The following RBM20 variants were observed in gnomAD, a reference collection of about 807,000 sequenced individuals.
RBM20 encodes RNA binding motif protein 20, also known as RNA-binding protein 20.
Under a neutral mutation model 110.1 loss-of-function variants are expected in RBM20, and 51 were observed. That is an observed-to-expected ratio of 0.46 (90% CI 0.37 to 0.59). The LOEUF is 0.59. Among genes scored for constraint, RBM20 ranks in the 20% least tolerant of loss-of-function variants. The probability of loss-of-function intolerance (pLI) is 0.00; values close to 1 mark genes in which losing one functional copy is unlikely to be tolerated. For missense variants in RBM20, 1,512 were observed against 1,574.9 expected (o/e 0.96, Z 0.68); for synonymous variants, 589 against 618.2 (o/e 0.95, Z 0.70).
At chr10:110,684,030 T>C (rs1296277313) in intron 1 of RBM20, among the ~76,000 whole-genome samples, 1 of 152,176 alleles carries the variant, frequency 6.6e-6, no homozygotes, top group Non-Finnish European at 1.5e-5. Flanking sequence ...GATGAGTAAA[T>C]TCATTCAGCT....
intron 11 of RBM20, among the ~76,000 whole-genome samples, chr10:110,822,264 G>A (rs1434445299): frequency 1.3e-5 from 2 of 152,340 alleles, no homozygotes; most frequent in Non-Finnish European, 2.9e-5. Context: ...AAGGAGATCA[G>A]GAGGAGCCTC....
intron 1 of RBM20, among the ~76,000 whole-genome samples, chr10:110,779,192 A>G (rs1293857963): frequency 6.6e-6 from 1 of 152,192 alleles, no homozygotes; most frequent in Admixed American, 6.5e-5. Context: ...TACTGGAAAG[A>G]CCACAGCAGG....
At chr10:110,801,003 A>G (rs987757754) in intron 7 of RBM20, among the ~76,000 whole-genome samples, 8 of 152,248 alleles carry the variant, frequency 5.3e-5, no homozygotes, top group African/African-American at 1.9e-4. Flanking sequence ...ACTTGAGCAT[A>G]TAACTAGAGG....
chr10:110,817,178 G>A (rs1301415851), intron 9 of RBM20, among the ~76,000 whole-genome samples: 1 of 152,220 alleles, frequency 6.6e-6, no homozygotes, highest in African/African-American at 2.4e-5. Flanking sequence ...CAGCATGATG[G>A]GACCATGGCT....
intron 1 of RBM20, among the ~76,000 whole-genome samples, chr10:110,685,137 C>A (rs143490935): frequency 6.6e-6 from 1 of 152,322 alleles, no homozygotes; most frequent in African/African-American, 2.4e-5. Flanking sequence ...TGGTCGCTGC[C>A]GAGGATCAGC....
chr10:110,720,055 A>G (rs1336663477), intron 1 of RBM20, among the ~76,000 whole-genome samples: 1 of 152,030 alleles, frequency 6.6e-6, no homozygotes, highest in Non-Finnish European at 1.5e-5. Flanking sequence ...CCTGGCGGTG[A>G]TCTTTTTTAT....
chr10:110,711,159 G>A (rs138390823), intron 1 of RBM20, among the ~76,000 whole-genome samples: 5 of 137,108 alleles, frequency 3.6e-5, no homozygotes, highest in Admixed American at 1.6e-4. Context: ...GTGAAATCCC[G>A]TCTCTACTAA....
chr10:110,663,155 G>A (rs1469743312), intron 1 of RBM20, among the ~76,000 whole-genome samples: 5 of 151,806 alleles, frequency 3.3e-5, no homozygotes, highest in Non-Finnish European at 5.9e-5. Context: ...TAGTAGAGTC[G>A]GGGCGTTGCC....
chr10:110,661,971 A>G (rs1043921065), intron 1 of RBM20, among the ~76,000 whole-genome samples: 1 of 151,186 alleles, frequency 6.6e-6, no homozygotes, highest in Admixed American at 6.6e-5. Flanking sequence ...AGATCATGCC[A>G]TTGCACTCCA....
rs74552632 is a variant in RBM20 at position 110,662,666 on chromosome 10, T to C, written c.191+18021T>C. On this transcript the variant is annotated intron_variant, in intron 1 of 13. Transcript: ENST00000369519. ...CCAATCAATCCTATTATAGGATCTA[T>C]CCCAAGATACACACACAAAAATTTT... Among the ~76,000 whole-genome samples, 605 of 152,338 alleles carry C rather than the reference T, an allele frequency of 4.0e-3. 5 individuals are homozygous for C. The highest frequency in any genetic ancestry group is 0.014 in the African/African-American group (593 of 41,568).
chr10:110,713,889 G>C (rs10749046), intron 1 of RBM20, among the ~76,000 whole-genome samples: 106,816 of 152,070 alleles, frequency 0.7, 38,071 homozygotes, highest in East Asian at 1. Context: ...TAAGGACTAC[G>C]TTTTTGGGCT....
At chr10:110,801,873 C>A (rs566846846) in intron 7 of RBM20, among the ~76,000 whole-genome samples, 4 of 152,088 alleles carry the variant, frequency 2.6e-5, no homozygotes, top group Admixed American at 6.6e-5. Context: ...ATTTTATTCC[C>A]CTAATTGCGC....
intron 1 of RBM20, among the ~76,000 whole-genome samples, chr10:110,777,381 T>C (rs1844279838): frequency 6.6e-6 from 1 of 152,144 alleles, no homozygotes; most frequent in South Asian, 2.1e-4. Context: ...CAATTTCAGG[T>C]TATTAACTAT....
chr10:110,727,570 G>C (rs777176367), intron 1 of RBM20, among the ~76,000 whole-genome samples: 11 of 152,080 alleles, frequency 7.2e-5, no homozygotes, highest in Admixed American at 2.0e-4. Flanking sequence ...TTGATATAAA[G>C]AAGACCAAAT....
At chr10:110,817,387 A>G (rs752104390) in intron 9 of RBM20, among the ~76,000 whole-genome samples, 11 of 152,222 alleles carry the variant, frequency 7.2e-5, no homozygotes, top group Non-Finnish European at 1.2e-4. Flanking sequence ...TAACCAATCC[A>G]TAAGAGGTGA....
At chr10:110,684,414 C>A (rs1044187616) in intron 1 of RBM20, among the ~76,000 whole-genome samples, 9 of 150,428 alleles carry the variant, frequency 6.0e-5, no homozygotes, top group Non-Finnish European at 1.3e-4. Flanking sequence ...CAAAACAAAA[C>A]AAAACAAAAC....
In RBM20 at chr10:110,812,958, A is replaced by C. The variant is rs1432337588; in HGVS notation, c.2550+11A>C. The C allele has an allele frequency of 2.8e-6, 4 of 1,440,788 alleles. No individual in the cohort carries two copies. Among genetic ancestry groups the C allele is most frequent in the Admixed American group, 2.9e-5 (1 of 34,462 alleles). The allele number at this position is 1,440,788 out of a possible 1,614,324, so 89.3% of individuals were successfully genotyped here. On this transcript the variant is annotated intron_variant, in intron 9 of 13. Transcript: ENST00000369519. ...ATGGCAGAGAATGAGGTAATGATCAATTTCTTCCCCAGGTAAGGCGAGGCA... is the reference window on the plus strand; with the variant it reads ...ATGGCAGAGAATGAGGTAATGATCACTTTCTTCCCCAGGTAAGGCGAGGCA...
chr10:110,695,690 G>C (rs1862652856), intron 1 of RBM20, among the ~76,000 whole-genome samples: 1 of 152,214 alleles, frequency 6.6e-6, no homozygotes, highest in Admixed American at 6.5e-5. Context: ...TTTGTTCTCA[G>C]AGTCATGAGT....
At position 110,812,949 on chromosome 10, in the gene RBM20, T is replaced by C; in HGVS notation, c.2550+2T>C. ...GAAAACACAATGGCAGAGAATGAGG[T>C]AATGATCAATTTCTTCCCCAGGTAA... On this transcript the variant is annotated splice_donor_variant, in intron 9 of 13. Coordinates refer to ENST00000369519, the MANE Select transcript of RBM20 (RefSeq NM_001134363.3). LOFTEE classifies it high-confidence loss of function. 59 of 1,332,582 alleles carry C rather than the reference T, an allele frequency of 4.4e-5. No individual in the cohort carries two copies. Among genetic ancestry groups the C allele is most frequent in the Non-Finnish European group, 5.3e-5 (53 of 994,594 alleles). The allele number at this position is 1,332,582 out of a possible 1,614,324, so 82.5% of individuals were successfully genotyped here. A position where few individuals can be genotyped will look rare whatever the true frequency, so the allele number is the denominator to read the frequency against.
Sources: gnomAD v4.1 joint callset for allele counts (sites outside exome capture counted in the v4.1 genomes callset) on GRCh38, gnomAD v4.1.1 for gene constraint, MANE v1.5 for transcripts, NCBI Gene and HGNC (gene_info 2026-07-23, HGNC 2026-07-21) for gene names.